Variants in UBN1 observed in about 807,000 individuals in gnomAD.
UBN1 encodes the protein ubinuclein-1.
UBN1 carries 17 observed loss-of-function variants against 108.5 expected under a neutral mutation model. That is an observed-to-expected ratio of 0.16 (90% CI 0.11 to 0.24). The LOEUF is 0.24. Ranked by LOEUF, UBN1 falls within the 10% of genes least tolerant of loss-of-function variation. The pLI, the probability that UBN1 is intolerant of heterozygous loss-of-function variation, is 1.00. For missense variants in UBN1, 1,595 were observed against 1,394.4 expected (o/e 1.14, Z -2.29); for synonymous variants, 726 against 564.2 (o/e 1.29, Z -4.07).
At chr16:4,871,090 A>G (rs1262557565) in intron 11 of UBN1, 65 bp from the exon 12 acceptor site, 10 of 1,606,382 alleles carry the variant, frequency 6.2e-6, no homozygotes, top group East Asian at 2.2e-5. Flanking sequence ...CTGAAAGCAC[A>G]TGATTGGAAC....
chr16:4,854,662 G>A (rs1425618975), intron 2 of UBN1, among the ~76,000 whole-genome samples: 1 of 151,764 alleles, frequency 6.6e-6, no homozygotes, highest in Non-Finnish European at 1.5e-5. Context: ...CACCGCACCT[G>A]GCCGTGTTTT....
Position 4,875,425 on chromosome 16 carries a change from C to G in UBN1, c.3015C>G (p.Thr1005=), listed in dbSNP as rs759091650. ...CAGTTAGTAGTGTGACATCGTCTACCTCCTTGTCAGTGAGTATCTGTCATA... is the reference window on the plus strand; with the variant it reads ...CAGTTAGTAGTGTGACATCGTCTACGTCCTTGTCAGTGAGTATCTGTCATA... ...PSAVSSVTSS[T]SLSKGASGTV... The change falls in exon 15 of 18, where the codon ACC becomes ACG. Residue 1005 remains threonine (T), a synonymous_variant. Transcript: ENST00000262376. 4 of 1,608,816 alleles carry G rather than the reference C, an allele frequency of 2.5e-6. No homozygotes were observed. In the Admixed American group the frequency reaches 6.7e-5, roughly 27 times the overall value.
intron 2 of UBN1, among the ~76,000 whole-genome samples, chr16:4,857,622 T>G (rs1490013705): frequency 6.6e-6 from 1 of 152,178 alleles, no homozygotes; most frequent in African/African-American, 2.4e-5. Context: ...AATGGACTCT[T>G]TCTTAGAATG....
At chr16:4,866,003 A>C (rs2087313091) in intron 7 of UBN1, among the ~76,000 whole-genome samples, 1 of 152,102 alleles carries the variant, frequency 6.6e-6, no homozygotes, top group Non-Finnish European at 1.5e-5. Context: ...TAATAAGATA[A>C]AATTTGATTG....
At chr16:4,848,915 A>T (rs995882397) in intron 1 of UBN1, among the ~76,000 whole-genome samples, 11 of 152,150 alleles carry the variant, frequency 7.2e-5, no homozygotes, top group African/African-American at 2.7e-4. Flanking sequence ...AGCCTGGCCA[A>T]CACGGTCAAA....
Position 4,859,152 on chromosome 16 carries a change from C to A in UBN1, c.560C>A (p.Ser187Tyr), listed in dbSNP as rs2142160139. ...TTCATTAAAGAAAAGAAGAAAAAAT[C>A]TCCAAAGGTTAGAATGTGCTTGCTT... The part of the protein sequence containing the change: ...DDFIKEKKKK[S>Y]PKKRKLKEGG... Residue 187 changes from serine to tyrosine, a missense_variant, in exon 5 of 18, where the codon TCT becomes TAT. By Grantham distance (144) the Ser-to-Tyr change is moderately radical. Coordinates refer to ENST00000262376, the MANE Select transcript of UBN1 (RefSeq NM_001079514.3). 6.2e-7 allele frequency: 1 copy of A among 1,613,266 alleles called. No individual in the cohort carries two copies. The highest frequency in any genetic ancestry group is 8.5e-7 in the Non-Finnish European group (1 of 1,179,904).
rs757666488 is a variant in UBN1 at position 4,874,867 on chromosome 16, C to G, written c.2457C>G (p.Pro819=). 1 of 1,614,076 alleles carries G rather than the reference C, an allele frequency of 6.2e-7. No homozygotes were observed. The change falls in exon 15 of 18, where the codon CCC becomes CCG. Residue 819 remains proline, a synonymous_variant. Transcript: ENST00000262376. ...AGTQQQKNFT[P]PSPFANKLQG... The stretch of plus-strand genomic sequence containing the variant: ...CTCAGCAGCAGAAAAACTTCACGCC[C>G]CCATCTCCATTTGCCAATAAGCTCC...
At position 4,880,097 on chromosome 16, in the gene UBN1, C is replaced by T. The variant is rs752978232; in HGVS notation, c.3370C>T (p.His1124Tyr). ...CTCTTTTCCAGGTGCTTCTCAGCTT[C>T]ACGGGAAAGGGCCTGCTGTACCACG... Reference protein sequence around the residue: ...PQSLPGASQLHGKGPAVPRKL With the variant: ...PQSLPGASQLYGKGPAVPRKL The change falls in exon 18 of 18, where the codon CAC (histidine) becomes TAC (tyrosine). Residue 1124 changes from histidine to tyrosine, a missense_variant. By Grantham distance (83) the His-to-Tyr change is moderately conservative (BLOSUM62 2). This residue lies in a region of UBN1 where 1,398 missense variants were observed against 1,194.7 expected (regional missense o/e 1.17). Coordinates refer to ENST00000262376, the MANE Select transcript of UBN1 (RefSeq NM_001079514.3). 1 of 1,614,038 alleles carries T rather than the reference C, an allele frequency of 6.2e-7. No homozygotes were observed. Among genetic ancestry groups the T allele is most frequent in the Non-Finnish European group, 8.5e-7 (1 of 1,179,986 alleles).
chr16:4,874,018 C>T (rs2087761520), intron 14 of UBN1, among the ~76,000 whole-genome samples, 193 bp from the exon 15 acceptor site: 1 of 152,232 alleles, frequency 6.6e-6, no homozygotes, highest in Non-Finnish European at 1.5e-5. Context: ...ACCAGATACT[C>T]ACCAGGGGTG....
At chr16:4,853,985 T>G (rs889948979) in intron 2 of UBN1, among the ~76,000 whole-genome samples, 1 of 152,184 alleles carries the variant, frequency 6.6e-6, no homozygotes, top group African/African-American at 2.4e-5. Flanking sequence ...TCAATACTTA[T>G]GGGCAACCAC....
intron 12 of UBN1, among the ~76,000 whole-genome samples, chr16:4,871,802 G>A (rs2142254254): frequency 6.6e-6 from 1 of 152,114 alleles, no homozygotes; most frequent in Admixed American, 6.5e-5. Context: ...TAGCCAGGAT[G>A]GTCTCAATCT....
chr16:4,866,185 C>T (rs2087321180), intron 7 of UBN1, among the ~76,000 whole-genome samples: 1 of 152,136 alleles, frequency 6.6e-6, no homozygotes, highest in African/African-American at 2.4e-5. Flanking sequence ...CTTCCAAGTG[C>T]TAAGGTAGAA....
chr16:4,858,682 T>C lies in UBN1; in HGVS notation c.432+19T>C, dbSNP rs745834284. ...TGAGGCGGTAAGTAGTTACTGAAAA[T>C]GCCGTGTCAGACCCACTGTACCTGT... On this transcript the variant is annotated intron_variant, in intron 4 of 17. Coordinates refer to ENST00000262376, the MANE Select transcript of UBN1 (RefSeq NM_001079514.3). 2 of 1,612,512 alleles carry C rather than the reference T, an allele frequency of 1.2e-6. No individual in the cohort carries two copies. Among genetic ancestry groups the C allele is most frequent in the Admixed American group, 1.7e-5 (1 of 59,990 alleles).
chr16:4,864,390 T>A (rs1372020094), intron 7 of UBN1, among the ~76,000 whole-genome samples: 2 of 152,226 alleles, frequency 1.3e-5, no homozygotes, highest in East Asian at 3.8e-4. Context: ...CTTTAAAAAA[T>A]GTCTTTGAAA....
intron 7 of UBN1, among the ~76,000 whole-genome samples, chr16:4,865,678 G>A (rs1285910543): frequency 7.5e-6 from 1 of 133,524 alleles, no homozygotes; most frequent in Non-Finnish European, 1.6e-5. Flanking sequence ...AATAAAATAA[G>A]ATGCTGGGCA....
At position 4,875,056 on chromosome 16, in the gene UBN1, C is replaced by G. The variant is rs2087815064; in HGVS notation, c.2646C>G (p.Ala882=). 6.2e-7 allele frequency: 1 copy of G among 1,614,022 alleles called. No individual in the cohort carries two copies. Among genetic ancestry groups the G allele is most frequent in the East Asian group, 2.2e-5 (1 of 44,892 alleles). The change falls in exon 15 of 18, where the codon GCC becomes GCG. Residue 882 remains alanine, a synonymous_variant. Transcript: ENST00000262376. ...AGACCCCAGCCTCGTCCTCTTCTGC[C>G]CTGAGCCATCCAGCAAAGCCACATT... ...SHKTPASSSS[A]LSHPAKPHSV... is the part of the protein sequence containing the mutation.
chr16:4,865,930 C>G (rs1410898437), intron 7 of UBN1, among the ~76,000 whole-genome samples: 1 of 152,030 alleles, frequency 6.6e-6, no homozygotes, highest in Non-Finnish European at 1.5e-5. Context: ...CCATTGCACT[C>G]CAGCCTGGGC....
intron 8 of UBN1, among the ~76,000 whole-genome samples, chr16:4,869,142 G>C (rs1312435832): frequency 1.3e-5 from 2 of 152,220 alleles, no homozygotes; most frequent in Admixed American, 1.3e-4. Flanking sequence ...TTAGGCAGCA[G>C]GCATTAATAA....
In UBN1 at chr16:4,875,193, C is replaced by G. The variant is rs555552740; in HGVS notation, c.2783C>G (p.Ser928Cys). 3.5e-5 allele frequency: 56 copies of G among 1,614,264 alleles called. 1 individual carries two copies. The South Asian group carries it at 5.5e-4, about 16-fold the overall frequency. ...TCGGGAGGAACACCAGTCCAGAGTT[C>G]TGTTTCTGGGAGCCTGGTCCCTGGC... ...SSSGGTPVQS[S>C]VSGSLVPGIQ... is the part of the protein sequence containing the mutation. Residue 928 changes from serine to cysteine, a missense_variant, in exon 15 of 18, where the codon TCT becomes TGT. By Grantham distance (112) the Ser-to-Cys change is moderately radical. Transcript: ENST00000262376.
Sources: allele counts gnomAD v4.1 joint callset (sites outside exome capture counted in the v4.1 genomes callset), GRCh38; gene constraint gnomAD v4.1.1; regional missense constraint gnomAD v4.1.1; transcripts MANE v1.5; gene names NCBI Gene and HGNC (gene_info 2026-07-23, HGNC 2026-07-21).